Variants in DCAF13 observed in about 807,000 individuals in gnomAD.
The protein encoded by DCAF13 is DDB1 and CUL4 associated factor 13, also known as DDB1- and CUL4-associated factor 13.
DCAF13 carries 38 observed loss-of-function variants against 59.0 expected under a neutral mutation model. That is an observed-to-expected ratio of 0.64 (90% confidence interval 0.50 to 0.84). The LOEUF is 0.84. Ranked by LOEUF, DCAF13 falls within the 40% of genes least tolerant of loss-of-function variation. The pLI is 0.00. For synonymous variants in DCAF13, 173 were observed against 175.0 expected, an observed-to-expected ratio of 0.99 and a Z score of 0.09; for missense variants, 469 against 558.4, an observed-to-expected ratio of 0.84 and a Z score of 1.61.
At position 103,423,353 on chromosome 8, in the gene DCAF13, C is replaced by G. The variant is rs556963567; in HGVS notation, c.378+2271C>G. ...AAAAAAAAAAGTACACACACACACG[C>G]ACACAGGAATACTATTCAGCCTTCA... On this transcript the variant is annotated intron_variant, in intron 3 of 10. Coordinates refer to ENST00000612750, the MANE Select transcript of DCAF13 (RefSeq NM_015420.7). Among the ~76,000 whole-genome samples, 13 of 152,160 alleles carry G rather than the reference C, an allele frequency of 8.5e-5. No homozygotes were observed. In the South Asian group the frequency reaches 2.7e-3, roughly 32 times the overall value.
rs200528280 is a variant in DCAF13, at chr8:103,440,208, G to A, written c.1023G>A (p.Met341Ile). Residue 341 changes from methionine (M) to isoleucine (I), a missense_variant, in exon 9 of 11, where the codon ATG becomes ATA. Met to Ile is a conservative substitution (Grantham distance 10). Coordinates refer to ENST00000612750, the MANE Select transcript of DCAF13 (RefSeq NM_015420.7). The stretch of plus-strand genomic sequence containing the variant: ...GGACTTCTGACAGCAAGTATATTAT[G>A]TGTGGATCTGATGAAATGAACATTC... ...VKWTSDSKYI[M>I]CGSDEMNIRL... The A allele has an allele frequency of 5.0e-6, 8 of 1,605,338 alleles. No individual in the cohort carries two copies. The highest frequency in any genetic ancestry group is 6.0e-6 in the Non-Finnish European group (7 of 1,176,454).
chr8:103,417,599 G>A (rs1454523346), intron 1 of DCAF13, among the ~76,000 whole-genome samples: 3 of 144,030 alleles, frequency 2.1e-5, no homozygotes, highest in African/African-American at 5.3e-5. Context: ...CCGAGATTGC[G>A]TCACTGCACT....
chr8:103,439,239 C>G (rs561382315), intron 8 of DCAF13, among the ~76,000 whole-genome samples: 33 of 152,096 alleles, frequency 2.2e-4, no homozygotes, highest in Admixed American at 6.6e-5. Context: ...GATCCACCTA[C>G]TGCAGCCTCC....
intron 1 of DCAF13, 49 bp from the exon 2 acceptor site, chr8:103,420,215 G>A: frequency 3.9e-6 from 6 of 1,539,124 alleles, no homozygotes; most frequent in Non-Finnish European, 5.4e-6. Flanking sequence ...GAGGAAGACT[G>A]CAGGAAATAT....
Position 103,441,435 on chromosome 8 carries a change from A to G in DCAF13, c.1087-20A>G. On this transcript the variant is annotated intron_variant, in intron 9 of 10. Coordinates refer to ENST00000612750, the MANE Select transcript of DCAF13 (RefSeq NM_015420.7). Reference sequence around the variant, plus strand: ...AAAACAACACACTATTCATTAAGATACCAAAATGTGTATTTTCAGCTTACA... The same window carrying G: ...AAAACAACACACTATTCATTAAGATGCCAAAATGTGTATTTTCAGCTTACA... 1.3e-6 allele frequency: 2 copies of G among 1,575,844 alleles called. No homozygotes were observed. Among genetic ancestry groups the G allele is most frequent in the Non-Finnish European group, 1.7e-6 (2 of 1,167,440 alleles).
intron 1 of DCAF13, among the ~76,000 whole-genome samples, chr8:103,417,007 A>T (rs1280242823): frequency 6.6e-6 from 1 of 152,226 alleles, no homozygotes; most frequent in East Asian, 1.9e-4. Flanking sequence ...TGAAAATTAA[A>T]TATATTAAAT....
chr8:103,427,318 CTT>C, intron 5 of DCAF13, 66 bp downstream of exon 5: 1 of 1,402,116 alleles, frequency 7.1e-7, no homozygotes, highest in Non-Finnish European at 9.8e-7. Flanking sequence ...GTTTAGAAAA[CTT>C]TTGAATGTAT....
chr8:103,440,061 G>T, intron 8 of DCAF13, 75 bp from the exon 9 acceptor site: 2 of 1,200,528 alleles, frequency 1.7e-6, no homozygotes, highest in Non-Finnish European at 2.2e-6. Context: ...ATAGTATCCT[G>T]ATACTTAATA....
intron 3 of DCAF13, among the ~76,000 whole-genome samples, chr8:103,425,823 G>A (rs1397099517): frequency 6.6e-6 from 1 of 151,890 alleles, no homozygotes; most frequent in Non-Finnish European, 1.5e-5. Context: ...CTTTGCCCCT[G>A]TTCTTGTTTT....
At chr8:103,435,553 A>G (rs1403714550) in intron 7 of DCAF13, 73 bp from the exon 8 acceptor site, 5 of 1,241,296 alleles carry the variant, frequency 4.0e-6, no homozygotes, top group South Asian at 1.6e-5. Context: ...TCTTGTTTTC[A>G]GTGGTATCTT....
chr8:103,438,732 T>G (rs1816965823), intron 8 of DCAF13, among the ~76,000 whole-genome samples: 3 of 152,176 alleles, frequency 2.0e-5, no homozygotes, highest in Admixed American at 2.0e-4. Flanking sequence ...GAATATTTGA[T>G]TTAGTCATTC....
At chr8:103,436,026 A>G (rs934154130) in intron 8 of DCAF13, among the ~76,000 whole-genome samples, 4 of 152,196 alleles carry the variant, frequency 2.6e-5, no homozygotes, top group Non-Finnish European at 4.4e-5. Flanking sequence ...ACTGTGGGCA[A>G]TTGTAACACA....
chr8:103,431,381 A>G (rs573142804), intron 6 of DCAF13, among the ~76,000 whole-genome samples: 1 of 152,340 alleles, frequency 6.6e-6, no homozygotes, highest in East Asian at 1.9e-4. Flanking sequence ...CATCATTGAG[A>G]TGCCACAAGT....
chr8:103,419,605 T>G (rs941537851), intron 1 of DCAF13, among the ~76,000 whole-genome samples: 1 of 152,220 alleles, frequency 6.6e-6, no homozygotes, highest in Non-Finnish European at 1.5e-5. Context: ...GCAAACATCT[T>G]GCACATATTT....
At chr8:103,424,860 T>A (rs890439663) in intron 3 of DCAF13, among the ~76,000 whole-genome samples, 3 of 152,170 alleles carry the variant, frequency 2.0e-5, no homozygotes, top group African/African-American at 7.2e-5. Context: ...TAGAATTGAG[T>A]TTTAGTATAG....
In DCAF13 at chr8:103,441,525, A is replaced by G. The variant is rs754803356; in HGVS notation, c.1157A>G (p.His386Arg). ...KLKEKFQHYP[H>R]IKRIARHRHL... ...AAGGAGAAATTTCAGCATTATCCTC[A>G]TATAAAACGTATAGCTCGTCATCGA... Residue 386 changes from histidine (H) to arginine (R), a missense_variant, in exon 10 of 11, where the codon CAT (histidine) becomes CGT (arginine). Physicochemically the swap from His to Arg is conservative, Grantham distance 29. This residue lies in a region of DCAF13 where 84 missense variants were observed against 92.3 expected (regional missense o/e 0.91). Transcript: ENST00000612750. 12 of 1,608,242 alleles carry G rather than the reference A, an allele frequency of 7.5e-6. No individual in the cohort carries two copies. Among genetic ancestry groups the G allele is most frequent in the Non-Finnish European group, 8.5e-6 (10 of 1,178,708 alleles).
At chr8:103,418,847 TATATATATATATATATATA>T (rs1172072487) in intron 1 of DCAF13, among the ~76,000 whole-genome samples, 10 of 18,416 alleles carry the variant, frequency 5.4e-4, no homozygotes, top group African/African-American at 2.5e-3. Flanking sequence ...TATATATATA[TATATATATATATATATATA>T]TTTTTTTTTT....
chr8:103,415,506 C>T lies in DCAF13; in HGVS notation c.60C>T (p.Asp20=), dbSNP rs767702852. The change falls in exon 1 of 11, where the codon GAC becomes GAT. Residue 20 remains aspartate (D), a synonymous_variant. Transcript: ENST00000612750. ...ATTATGTCCGCGAAACCAAGTTGGA[C>T]TTACAGAGAGGTAAGATAAGTTGGT... The part of the protein sequence containing the change: ...PDNYVRETKL[D]LQRVPRNYDP... 9.3e-6 allele frequency: 15 copies of T among 1,609,736 alleles called. No individual in the cohort carries two copies. The highest frequency in any genetic ancestry group is 6.7e-5 in the East Asian group (3 of 44,834).
At chr8:103,435,877 A>C (rs1362540963) in intron 8 of DCAF13, 87 bp downstream of exon 8, 1 of 1,370,474 alleles carries the variant, frequency 7.3e-7, no homozygotes, top group Admixed American at 1.7e-5. Flanking sequence ...GGGCGATTTC[A>C]TCATTGTGTG....
Sources: gnomAD v4.1 joint callset for allele counts (sites outside exome capture counted in the v4.1 genomes callset) on GRCh38, gnomAD v4.1.1 for gene constraint, gnomAD v4.1.1 regional missense constraint, MANE v1.5 for transcripts, NCBI Gene and HGNC (gene_info 2026-07-23, HGNC 2026-07-21) for gene names.